FAM3C: variants seen among roughly 807,000 people sequenced by gnomAD.
The protein encoded by FAM3C is protein FAM3C.
In FAM3C, 15 loss-of-function variants were observed where a neutral mutation model predicts 32.5. That is an observed-to-expected ratio of 0.46 (90% CI 0.31 to 0.71). The LOEUF is 0.71. FAM3C is among the 30% of genes least tolerant of loss of function. The pLI is 0.05. For synonymous variants in FAM3C, 75 were observed against 86.1 expected (o/e 0.87, Z 0.72); for missense variants, 175 against 274.4 (o/e 0.64, Z 2.56).
intron 9 of FAM3C, 88 bp from the exon 10 acceptor site, chr7:121,350,638 T>G: frequency 7.6e-7 from 1 of 1,314,972 alleles, no homozygotes; most frequent in Non-Finnish European, 1.1e-6. Context: ...CTCATTTCAG[T>G]AATACTCATG....
chr7:121,389,697 T>C (rs1794538314), intron 1 of FAM3C, among the ~76,000 whole-genome samples: 1 of 151,850 alleles, frequency 6.6e-6, no homozygotes, highest in Non-Finnish European at 1.5e-5. Context: ...ATGCGGCTGG[T>C]ATATATGTGT....
chr7:121,395,745 G>C (rs1409747641), intron 1 of FAM3C, among the ~76,000 whole-genome samples: 1 of 152,122 alleles, frequency 6.6e-6, no homozygotes, highest in African/African-American at 2.4e-5. Context: ...CCCCTATGGA[G>C]TTGGAATGCA....
chr7:121,395,278 CATATATATGGAT>C (rs1232042939), intron 1 of FAM3C, among the ~76,000 whole-genome samples: 1 of 143,358 alleles, frequency 7.0e-6, no homozygotes. Context: ...TGGATACATA[CATATATATGGAT>C]ACATACATAT....
chr7:121,350,173 A>G lies in FAM3C; in HGVS notation c.*288T>C. ...TTTTTCACAAACCATTCAGTTACAC[A>G]TTGTGTATGCTTTTAGAATTTAAAA... On this transcript the variant is annotated 3_prime_UTR_variant, in exon 10 of 10. Transcript: ENST00000359943. 2 of 342,094 alleles carry G rather than the reference A, an allele frequency of 5.8e-6. No individual in the cohort carries two copies. The highest frequency in any genetic ancestry group is 1.1e-5 in the Non-Finnish European group (2 of 186,044). The allele number at this position is 342,094 out of a possible 1,614,324, so 21.2% of individuals were successfully genotyped here.
At chr7:121,367,750 T>C (rs992135530) in intron 5 of FAM3C, among the ~76,000 whole-genome samples, 3 of 152,122 alleles carry the variant, frequency 2.0e-5, no homozygotes, top group African/African-American at 7.2e-5. Context: ...GAAGACTGCT[T>C]GAACCCAAGA....
chr7:121,379,095 A>T (rs1027936345), intron 2 of FAM3C, 81 bp from the exon 3 acceptor site: 3 of 762,608 alleles, frequency 3.9e-6, no homozygotes, highest in Non-Finnish European at 6.5e-6. Context: ...ATGTTTATAA[A>T]TTTTTTAAGA....
chr7:121,359,540 G>A (rs1007585303), intron 8 of FAM3C, among the ~76,000 whole-genome samples: 4 of 151,828 alleles, frequency 2.6e-5, no homozygotes, highest in African/African-American at 9.7e-5. Flanking sequence ...ACTGGAACTT[G>A]GTCTCTTTGC....
chr7:121,364,994 G>A (rs1793997680), intron 5 of FAM3C, among the ~76,000 whole-genome samples: 3 of 152,210 alleles, frequency 2.0e-5, no homozygotes, highest in South Asian at 4.1e-4. Flanking sequence ...CTGTGTTTAG[G>A]AGAGAGAGGC....
chr7:121,371,276 C>T (rs748953027), intron 5 of FAM3C, 24 bp downstream of exon 5: 26 of 1,610,728 alleles, frequency 1.6e-5, no homozygotes, highest in East Asian at 1.1e-4. Context: ...CACACCTTAT[C>T]GTCTCAAGTC....
intron 1 of FAM3C, among the ~76,000 whole-genome samples, chr7:121,384,245 G>A (rs561355791): frequency 1.1e-4 from 16 of 152,136 alleles, no homozygotes; most frequent in South Asian, 2.1e-4. Context: ...CAGCTTCCAC[G>A]TAATAGAAAA....
chr7:121,351,601 C>G, intron 8 of FAM3C: 1 of 212,620 alleles, frequency 4.7e-6, no homozygotes, highest in Admixed American at 5.3e-5. Flanking sequence ...TCCAGGCTAT[C>G]CAAGGTCTTA....
chr7:121,373,427 G>C (rs946785901), intron 3 of FAM3C, among the ~76,000 whole-genome samples: 14 of 152,276 alleles, frequency 9.2e-5, no homozygotes, highest in Non-Finnish European at 1.8e-4. Context: ...AGCTGTCCAA[G>C]TATAGAATAC....
intron 3 of FAM3C, among the ~76,000 whole-genome samples, chr7:121,376,774 T>C (rs769865631): frequency 6.6e-6 from 1 of 152,156 alleles, no homozygotes; most frequent in African/African-American, 2.4e-5. Flanking sequence ...GAAGTCTACA[T>C]ATCAGAATTG....
chr7:121,391,711 G>A (rs1386757838), intron 1 of FAM3C, among the ~76,000 whole-genome samples: 6 of 152,128 alleles, frequency 3.9e-5, no homozygotes, highest in African/African-American at 7.2e-5. Context: ...TGGTTCCATC[G>A]CCCAAGGGTC....
chr7:121,359,173 A>G (rs1793874048), intron 8 of FAM3C, among the ~76,000 whole-genome samples: 1 of 151,474 alleles, frequency 6.6e-6, no homozygotes, highest in Non-Finnish European at 1.5e-5. Context: ...ACATCCTTTA[A>G]TTAATCATTT....
intron 1 of FAM3C, among the ~76,000 whole-genome samples, chr7:121,383,614 A>G (rs1186150099): frequency 6.6e-6 from 1 of 152,216 alleles, no homozygotes; most frequent in South Asian, 2.1e-4. Flanking sequence ...ATATCCCAGC[A>G]ATTATCATGA....
intron 8 of FAM3C, among the ~76,000 whole-genome samples, chr7:121,353,511 C>T (rs375366360): frequency 6.6e-6 from 1 of 152,200 alleles, no homozygotes; most frequent in Non-Finnish European, 1.5e-5. Flanking sequence ...TGACCCTTGG[C>T]TATCTGGCCA....
chr7:121,360,920 C>T (rs1793907355), intron 7 of FAM3C, among the ~76,000 whole-genome samples: 2 of 152,138 alleles, frequency 1.3e-5, no homozygotes, highest in South Asian at 4.1e-4. Context: ...GGATACACAG[C>T]TTTTCTCCGA....
At chr7:121,380,885 T>C (rs947437302) in intron 2 of FAM3C, among the ~76,000 whole-genome samples, 21 of 152,076 alleles carry the variant, frequency 1.4e-4, no homozygotes, top group African/African-American at 4.8e-4. Context: ...GCTAAAATTT[T>C]ACATCATTTG....
Sources: allele counts gnomAD v4.1 joint callset (sites outside exome capture counted in the v4.1 genomes callset), GRCh38; gene constraint gnomAD v4.1.1; transcripts MANE v1.5; gene names NCBI Gene and HGNC (gene_info 2026-07-23, HGNC 2026-07-21).